PTPRN2: variants seen among roughly 807,000 people sequenced by gnomAD.
PTPRN2 encodes the protein protein tyrosine phosphatase receptor type N2, also known as receptor-type tyrosine-protein phosphatase N2.
Under a neutral mutation model 118.8 loss-of-function variants are expected in PTPRN2, and 74 were observed. The observed-to-expected ratio is 0.62, with a 90% CI of 0.52 to 0.76. The LOEUF (loss-of-function observed/expected upper bound fraction) is 0.76, where lower values mean the gene tolerates loss of function less well. Among genes scored for constraint, PTPRN2 ranks in the 30% least tolerant of loss-of-function variants. The pLI is 0.00. For missense variants in PTPRN2, 1,481 were observed against 1,394.4 expected (o/e 1.06, Z -0.99); for synonymous variants, 641 against 608.0 (o/e 1.05, Z -0.80).
chr7:158,262,932 CTGCACACACACATTCACACACAT>C (rs1797596366), intron 3 of PTPRN2, among the ~76,000 whole-genome samples: 1 of 143,948 alleles, frequency 6.9e-6, no homozygotes, highest in African/African-American at 2.9e-5. Context: ...CATTCACACA[CTGCACACACACATTCACACACAT>C]ACACACATTC....
intron 9 of PTPRN2, among the ~76,000 whole-genome samples, chr7:158,123,263 G>A (rs568108820): frequency 6.6e-6 from 1 of 152,212 alleles, no homozygotes; most frequent in South Asian, 2.1e-4. Context: ...TCCAGCCCAC[G>A]GGAACCTCCC....
intron 4 of PTPRN2, among the ~76,000 whole-genome samples, chr7:158,194,804 T>A (rs6459852): frequency 0.51 from 77,447 of 152,120 alleles, 21,695 homozygotes; most frequent in African/African-American, 0.76. Context: ...AGTGTATAAC[T>A]GTCACGTTTA....
chr7:158,443,258 G>A (rs958717668), intron 2 of PTPRN2, among the ~76,000 whole-genome samples: 12 of 152,144 alleles, frequency 7.9e-5, no homozygotes, highest in Non-Finnish European at 1.3e-4. Context: ...CGGCTCCCGC[G>A]GCTCCAGGGC....
At chr7:157,891,676 T>C (rs1796817762) in intron 12 of PTPRN2, among the ~76,000 whole-genome samples, 1 of 152,088 alleles carries the variant, frequency 6.6e-6, no homozygotes, top group South Asian at 2.1e-4. Flanking sequence ...TATTCTTGGC[T>C]ACAGAATCCT....
Position 158,316,906 on chromosome 7 carries a change from C to A in PTPRN2, c.190G>T (p.Val64Phe), listed in dbSNP as rs541656093. 3 of 1,612,556 alleles carry A rather than the reference C, an allele frequency of 1.9e-6. No homozygotes were observed. Among genetic ancestry groups the A allele is most frequent in the Non-Finnish European group, 8.5e-7 (1 of 1,179,732 alleles). ...TAGCGGTAAAAGTCCATTGCCGGAA[C>A]CTTCTGGCACCTTCCAAACACTCCA... ...NDGVFGRCQK[V>F]PAMDFYRYEV... is the part of the protein sequence containing the mutation. Residue 64 changes from valine (V) to phenylalanine (F), a missense_variant, in exon 3 of 23, where the codon GTT becomes TTT. Val to Phe is a conservative substitution (Grantham distance 50). Transcript: ENST00000389418.
intron 15 of PTPRN2, among the ~76,000 whole-genome samples, chr7:157,608,297 AC>A (rs1802124156): frequency 6.6e-6 from 1 of 152,020 alleles, no homozygotes; most frequent in Non-Finnish European, 1.5e-5. Context: ...CAAACTCCTG[AC>A]CTCAGATGAT....
At chr7:158,493,016 G>A (rs1821574712) in intron 1 of PTPRN2, among the ~76,000 whole-genome samples, 1 of 152,234 alleles carries the variant, frequency 6.6e-6, no homozygotes, top group Non-Finnish European at 1.5e-5. Flanking sequence ...TTAACCTTGT[G>A]TGCCCAGCAC....
rs1563154661 is a variant in PTPRN2 at position 157,834,070 on chromosome 7, G to GTGATCAATC, written c.1788+64602_1788+64603insGATTGATCA. ...CTATCCGCCAATCAATGAGCCAGCA[G>GTGATCAATC]CATTCCCTGTGATCAATCCATCAAT... On this transcript the variant is annotated intron_variant, in intron 12 of 22. Transcript: ENST00000389418. 1.1e-4 allele frequency among the ~76,000 whole-genome samples: 16 copies of GTGATCAATC among 147,500 alleles called. 1 individual carries two copies. Among genetic ancestry groups the GTGATCAATC allele is most frequent in the African/African-American group, 2.8e-4 (11 of 38,802 alleles).
intron 12 of PTPRN2, among the ~76,000 whole-genome samples, chr7:157,696,858 A>C (rs71542597): frequency 0.21 from 7,408 of 34,904 alleles, 361 homozygotes; most frequent in East Asian, 0.27. Context: ...CACCGTCTAC[A>C]CATGCATACT....
At chr7:158,092,052 T>C (rs1391823152) in intron 10 of PTPRN2, among the ~76,000 whole-genome samples, 1 of 106,774 alleles carries the variant, frequency 9.4e-6, no homozygotes, top group Non-Finnish European at 1.9e-5. Flanking sequence ...GAGGGATAGG[T>C]GATGGATAGG....
At chr7:157,789,911 T>C (rs2151072667) in intron 12 of PTPRN2, among the ~76,000 whole-genome samples, 1 of 149,332 alleles carries the variant, frequency 6.7e-6, no homozygotes, top group Admixed American at 6.7e-5. Context: ...TGTGGTGCTG[T>C]GTGTGTGGTA....
At chr7:157,941,451 C>T (rs1800118860) in intron 11 of PTPRN2, among the ~76,000 whole-genome samples, 1 of 149,374 alleles carries the variant, frequency 6.7e-6, no homozygotes, top group Non-Finnish European at 1.5e-5. Context: ...ATCCTCCCCA[C>T]CATGACACTG....
intron 10 of PTPRN2, among the ~76,000 whole-genome samples, chr7:158,086,088 T>G (rs1390710383): frequency 6.6e-6 from 1 of 152,212 alleles, no homozygotes. Context: ...TGTGAAATTC[T>G]TCGTGGCTCC....
chr7:158,267,590 G>A (rs1292278307), intron 3 of PTPRN2, among the ~76,000 whole-genome samples: 3 of 152,180 alleles, frequency 2.0e-5, no homozygotes, highest in Admixed American at 2.0e-4. Flanking sequence ...CTGAGCATCT[G>A]AGCGGGATCA....
intron 12 of PTPRN2, among the ~76,000 whole-genome samples, chr7:157,882,714 C>T (rs909692692): frequency 6.6e-6 from 1 of 151,160 alleles, no homozygotes; most frequent in Non-Finnish European, 1.5e-5. Flanking sequence ...AATACACCAC[C>T]CCAAAAAACT....
At chr7:157,981,600 TCA>T (rs1488320101) in intron 11 of PTPRN2, among the ~76,000 whole-genome samples, 1 of 148,518 alleles carries the variant, frequency 6.7e-6, no homozygotes, top group Non-Finnish European at 1.5e-5. Context: ...TTGTAGTAAT[TCA>T]GTTTACTTTA....
At chr7:158,530,524 T>TA (rs759966425) in intron 1 of PTPRN2, among the ~76,000 whole-genome samples, 4 of 152,040 alleles carry the variant, frequency 2.6e-5, no homozygotes, top group Non-Finnish European at 5.9e-5. Context: ...CCCCACGACT[T>TA]AAACACATAG....
In PTPRN2 at chr7:157,539,283, A is replaced by AC. The variant is rs1563193968; in HGVS notation, c.*1430_*1431insG. 1 of 152,252 alleles carries AC rather than the reference A, an allele frequency of 6.6e-6. No individual in the cohort carries two copies. The highest frequency in any genetic ancestry group is 2.4e-5 in the African/African-American group (1 of 41,454). The allele number at this position is 152,252 out of a possible 1,614,324, so 9.4% of individuals were successfully genotyped here. On this transcript the variant is annotated 3_prime_UTR_variant, in exon 23 of 23. Coordinates refer to ENST00000389418, the MANE Select transcript of PTPRN2 (RefSeq NM_002847.5). ...CATTACAATACCATGTAGAGACATAAGCAATATTTTGGCATCATTCTGTCC... is the reference window on the plus strand; with the variant it reads ...CATTACAATACCATGTAGAGACATAACGCAATATTTTGGCATCATTCTGTCC...
intron 12 of PTPRN2, among the ~76,000 whole-genome samples, chr7:157,852,369 C>T (rs1399173094): frequency 6.6e-6 from 1 of 152,070 alleles, no homozygotes; most frequent in Non-Finnish European, 1.5e-5. Context: ...ATTTTATTAA[C>T]AAAATTCAGA....
Sources: allele counts gnomAD v4.1 joint callset (sites outside exome capture counted in the v4.1 genomes callset), GRCh38; gene constraint gnomAD v4.1.1; transcripts MANE v1.5; gene names NCBI Gene and HGNC (gene_info 2026-07-23, HGNC 2026-07-21).